The following FCHSD2 variants were observed in gnomAD, a reference collection of about 807,000 sequenced individuals.
FCHSD2 encodes F-BAR and double SH3 domains protein 2.
In FCHSD2, 38 loss-of-function variants were observed where a neutral mutation model predicts 108.1. The observed-to-expected ratio is 0.35, with a 90% CI of 0.27 to 0.46. The LOEUF is 0.46. Among genes scored for constraint, FCHSD2 ranks in the 20% least tolerant of loss-of-function variants. The pLI is 1.00. For synonymous variants in FCHSD2, 279 were observed against 314.7 expected, an observed-to-expected ratio of 0.89 and a Z score of 1.20; for missense variants, 751 against 897.8, an observed-to-expected ratio of 0.84 and a Z score of 2.09.
intron 8 of FCHSD2, among the ~76,000 whole-genome samples, chr11:72,974,693 G>A (rs1260763693): frequency 6.6e-6 from 1 of 152,040 alleles, no homozygotes. Context: ...ACAAGTACCA[G>A]TGGTAAAGGC....
intron 8 of FCHSD2, among the ~76,000 whole-genome samples, chr11:72,932,366 C>G (rs1856211620): frequency 6.6e-6 from 1 of 152,186 alleles, no homozygotes. Flanking sequence ...GACTGCTCTA[C>G]ACTGTTCACT....
intron 4 of FCHSD2, among the ~76,000 whole-genome samples, chr11:73,005,546 A>G (rs1015876983): frequency 6.6e-6 from 1 of 152,204 alleles, no homozygotes; most frequent in African/African-American, 2.4e-5. Flanking sequence ...TCACTGTCCC[A>G]TAAATACTGG....
At chr11:73,020,712 CTTTA>C (rs1010461353) in intron 3 of FCHSD2, among the ~76,000 whole-genome samples, 4 of 151,512 alleles carry the variant, frequency 2.6e-5, no homozygotes, top group South Asian at 2.1e-4. Flanking sequence ...AATAAATTGT[CTTTA>C]TTTACTTTTC....
At chr11:72,902,025 C>T (rs1307844587) in intron 10 of FCHSD2, among the ~76,000 whole-genome samples, 6 of 151,982 alleles carry the variant, frequency 3.9e-5, no homozygotes, top group Non-Finnish European at 8.8e-5. Context: ...CAGGGGCCCA[C>T]GACCAAGCCC....
chr11:73,097,146 G>T (rs1240582701), intron 2 of FCHSD2, among the ~76,000 whole-genome samples: 1 of 150,866 alleles, frequency 6.6e-6, no homozygotes, highest in Non-Finnish European at 1.5e-5. Flanking sequence ...AGAACTACAG[G>T]TATGCACCAC....
chr11:72,861,485 C>G (rs1861574354), intron 13 of FCHSD2, among the ~76,000 whole-genome samples: 1 of 151,280 alleles, frequency 6.6e-6, no homozygotes, highest in Admixed American at 6.6e-5. Context: ...CAATTCTACA[C>G]AAGGCTTCCA....
At chr11:73,082,041 A>G (rs1210387186) in intron 3 of FCHSD2, among the ~76,000 whole-genome samples, 4 of 152,100 alleles carry the variant, frequency 2.6e-5, no homozygotes, top group African/African-American at 4.8e-5. Context: ...CGTCTCTACT[A>G]AAAATACAAA....
intron 14 of FCHSD2, among the ~76,000 whole-genome samples, chr11:72,845,172 G>A (rs1252680263): frequency 6.6e-6 from 1 of 152,156 alleles, no homozygotes; most frequent in African/African-American, 2.4e-5. Context: ...TGTAATCCCA[G>A]CACTTTGGGA....
At chr11:72,959,851 A>AGG (rs755421611) in intron 8 of FCHSD2, among the ~76,000 whole-genome samples, 2,253 of 69,568 alleles carry the variant, frequency 0.032, 19 homozygotes, top group Non-Finnish European at 0.047. Flanking sequence ...TTAAGTTTCT[A>AGG]GGGTGTGTGT....
rs1371465598 is a variant in FCHSD2, at chr11:72,934,080, G to C, written c.706-12130C>G. 2.6e-5 allele frequency among the ~76,000 whole-genome samples: 3 copies of C among 115,170 alleles called. No homozygotes were observed. In the East Asian group the frequency reaches 8.7e-4, roughly 33 times the overall value. The allele number at this position is 115,170 out of a possible 152,430, so 75.6% of individuals were successfully genotyped here. On this transcript the variant is annotated intron_variant, in intron 8 of 19. Coordinates refer to ENST00000409418, the MANE Select transcript of FCHSD2 (RefSeq NM_014824.3). Reference sequence around the variant, plus strand: ...GCCATGATCGCGCCACTACACTCCAGCCTGGGCAACAGAGTAAGACACTGT... The same window carrying C: ...GCCATGATCGCGCCACTACACTCCACCCTGGGCAACAGAGTAAGACACTGT...
rs658164 is a variant in FCHSD2, at chr11:72,977,623, G to A, written c.705+6465C>T. 3.2e-3 allele frequency among the ~76,000 whole-genome samples: 481 copies of A among 152,330 alleles called. 1 individual carries two copies. Among genetic ancestry groups the A allele is most frequent in the African/African-American group, 0.011 (454 of 41,570 alleles). On this transcript the variant is annotated intron_variant, in intron 8 of 19. Transcript: ENST00000409418. ...ATTTTAGTATATGTGCTGCCGAAGC[G>A]AGCACGCTCTCACACCAGTTAGAAT... is the stretch of plus-strand genomic sequence containing the variant.
chr11:72,966,459 C>A (rs116923077), intron 8 of FCHSD2, among the ~76,000 whole-genome samples: 1 of 152,160 alleles, frequency 6.6e-6, no homozygotes, highest in Non-Finnish European at 1.5e-5. Flanking sequence ...CACACCCGGA[C>A]TAAACTGAGC....
chr11:72,920,109 A>G (rs1009318364), intron 9 of FCHSD2, among the ~76,000 whole-genome samples: 3 of 152,188 alleles, frequency 2.0e-5, no homozygotes, highest in African/African-American at 7.2e-5. Flanking sequence ...AAACTGTAAG[A>G]CAGTAGAAAT....
chr11:72,940,541 A>G, intron 8 of FCHSD2: 3 of 925,642 alleles, frequency 3.2e-6, no homozygotes, highest in East Asian at 2.4e-5. Flanking sequence ...AGAAAGAAGT[A>G]GTCTCATGTC....
chr11:72,957,118 G>GGTGC (rs1187871566), intron 8 of FCHSD2, among the ~76,000 whole-genome samples: 1 of 149,926 alleles, frequency 6.7e-6, no homozygotes, highest in Non-Finnish European at 1.5e-5. Context: ...GTGCCATGCT[G>GGTGC]GTGCGCTGCA....
At chr11:72,898,587 CAA>C (rs961393561) in intron 10 of FCHSD2, among the ~76,000 whole-genome samples, 1 of 152,166 alleles carries the variant, frequency 6.6e-6, no homozygotes, top group Non-Finnish European at 1.5e-5. Flanking sequence ...ATATAAAACT[CAA>C]AAATAACACC....
At position 72,962,881 on chromosome 11, in the gene FCHSD2, T is replaced by C. The variant is rs7938980; in HGVS notation, c.705+21207A>G. Among the ~76,000 whole-genome samples, 714 of 152,154 alleles carry C rather than the reference T, an allele frequency of 4.7e-3. 5 individuals are homozygous for C. The highest frequency in any genetic ancestry group is 0.017 in the African/African-American group (692 of 41,502). The stretch of plus-strand genomic sequence containing the variant: ...ATATCTTGATTTCAGCAGGCATCAG[T>C]GGAAGTGACTCTGGATGAGTGACAG... On this transcript the variant is annotated intron_variant, in intron 8 of 19. Transcript: ENST00000409418.
intron 5 of FCHSD2, among the ~76,000 whole-genome samples, chr11:72,994,333 G>A (rs184085547): frequency 1.9e-4 from 28 of 146,676 alleles, no homozygotes; most frequent in African/African-American, 6.2e-4. Flanking sequence ...GCTATGTTTC[G>A]TACTTTACAG....
At chr11:72,918,054 T>C (rs563089138) in intron 9 of FCHSD2, among the ~76,000 whole-genome samples, 1 of 152,338 alleles carries the variant, frequency 6.6e-6, no homozygotes, top group African/African-American at 2.4e-5. Context: ...ATGCATTTAT[T>C]TATATCTTTT....
Sources: gnomAD v4.1 joint callset for allele counts (sites outside exome capture counted in the v4.1 genomes callset) on GRCh38, gnomAD v4.1.1 for gene constraint, MANE v1.5 for transcripts, NCBI Gene and HGNC (gene_info 2026-07-23, HGNC 2026-07-21) for gene names.